TRIM67: variants seen among roughly 807,000 people sequenced by gnomAD.
TRIM67 encodes tripartite motif-containing protein 67.
Under a neutral mutation model 71.0 loss-of-function variants are expected in TRIM67, and 39 were observed. The ratio of observed to expected loss-of-function variants is 0.55; its 90% CI spans 0.43 to 0.72. The LOEUF (loss-of-function observed/expected upper bound fraction) is 0.72, where lower values mean the gene tolerates loss of function less well. TRIM67 is among the 30% of genes least tolerant of loss of function. The probability of loss-of-function intolerance (pLI) is 0.00; values close to 1 mark genes in which losing one functional copy is unlikely to be tolerated. For missense variants in TRIM67, 973 were observed against 1,079.2 expected (o/e 0.90, Z 1.38); for synonymous variants, 481 against 473.9 (o/e 1.01, Z -0.19).
chr1:231,198,393 T>C (rs536134370), intron 2 of TRIM67, among the ~76,000 whole-genome samples: 8 of 151,592 alleles, frequency 5.3e-5, no homozygotes, highest in African/African-American at 1.9e-4. Context: ...GGGACTGAAT[T>C]CTTTTTTTTT....
rs577384628 is a variant in TRIM67 at position 231,179,514 on chromosome 1, T to C, written c.1044+15501T>C. On this transcript the variant is annotated intron_variant, in intron 1 of 9. Coordinates refer to ENST00000366653, the MANE Select transcript of TRIM67 (RefSeq NM_001004342.5). ...ACGAAAACATTAATTAGTTGGTTAA[T>C]GTCACAGTGGTCGTTAACCCATTTA... Among the ~76,000 whole-genome samples the C allele has an allele frequency of 5.9e-5, 9 of 152,348 alleles. No homozygotes were observed. The South Asian group carries it at 1.7e-3, about 28-fold the overall frequency.
Position 231,219,834 on chromosome 1 carries a change from G to T in TRIM67, c.*4394G>T. 1 of 1,286,262 alleles carries T rather than the reference G, an allele frequency of 7.8e-7. No homozygotes were observed. The highest frequency in any genetic ancestry group is 1.0e-6 in the Non-Finnish European group (1 of 986,726). The allele number at this position is 1,286,262 out of a possible 1,614,324, so 79.7% of individuals were successfully genotyped here. ...CATTCTTTGGCAGTTCCTCCCAGAA[G>T]ATCAAAGGATCCTGCAGCTTTAACC... On this transcript the variant is annotated 3_prime_UTR_variant, in exon 10 of 10. Transcript: ENST00000366653.
At chr1:231,211,050 A>ATTTTT (rs10626734) in intron 8 of TRIM67, among the ~76,000 whole-genome samples, 3 of 135,612 alleles carry the variant, frequency 2.2e-5, no homozygotes, top group Admixed American at 7.2e-5. Flanking sequence ...ATATATATAT[A>ATTTTT]TTTTGTTTGT....
intron 1 of TRIM67, among the ~76,000 whole-genome samples, chr1:231,177,742 T>A (rs1245265253): frequency 6.6e-6 from 1 of 152,234 alleles, no homozygotes; most frequent in Non-Finnish European, 1.5e-5. Context: ...GATCTCTTTC[T>A]TTTTAAGACC....
At chr1:231,165,207 G>C (rs955314323) in intron 1 of TRIM67, among the ~76,000 whole-genome samples, 9 of 152,268 alleles carry the variant, frequency 5.9e-5, no homozygotes, top group Non-Finnish European at 8.8e-5. Flanking sequence ...CAGTGCACAG[G>C]AAAACTCCCC....
chr1:231,187,173 A>C (rs190678079), intron 1 of TRIM67, among the ~76,000 whole-genome samples: 1 of 152,174 alleles, frequency 6.6e-6, no homozygotes, highest in Non-Finnish European at 1.5e-5. Flanking sequence ...AAGATGAAGG[A>C]AAATAGCCAC....
intron 6 of TRIM67, among the ~76,000 whole-genome samples, chr1:231,205,136 C>T (rs1043402324): frequency 2.4e-4 from 36 of 152,162 alleles, no homozygotes; most frequent in Admixed American, 2.4e-3. Context: ...AAAGAAGCAG[C>T]CACAGAGCTT....
Position 231,200,270 on chromosome 1 carries a change from C to G in TRIM67, c.1374+12C>G, listed in dbSNP as rs765437008. ...CCGGGTTCTTACAGGTGAGCCTGTC[C>G]CTGGAAGACACAAAGTGGGCTTCCT... On this transcript the variant is annotated intron_variant, in intron 4 of 9. Coordinates refer to ENST00000366653, the MANE Select transcript of TRIM67 (RefSeq NM_001004342.5). 1 of 1,569,876 alleles carries G rather than the reference C, an allele frequency of 6.4e-7. No individual in the cohort carries two copies.
At chr1:231,164,568 G>T (rs1682399305) in intron 1 of TRIM67, among the ~76,000 whole-genome samples, 1 of 152,134 alleles carries the variant, frequency 6.6e-6, no homozygotes, top group Non-Finnish European at 1.5e-5. Flanking sequence ...TGAGCAATTG[G>T]ACTCACTTCC....
At chr1:231,166,948 T>A (rs1366057510) in intron 1 of TRIM67, among the ~76,000 whole-genome samples, 1 of 152,118 alleles carries the variant, frequency 6.6e-6, no homozygotes, top group Non-Finnish European at 1.5e-5. Flanking sequence ...AAATCTGTTT[T>A]TCCTGAAGCT....
chr1:231,185,858 G>A (rs769528855), intron 1 of TRIM67, among the ~76,000 whole-genome samples: 6 of 151,884 alleles, frequency 4.0e-5, no homozygotes, highest in Non-Finnish European at 7.3e-5. Context: ...AGTTCATGGA[G>A]TCTGGGGGGA....
rs1454540204 is a variant in TRIM67 at position 231,219,139 on chromosome 1, T to A, written c.*3699T>A. The A allele has an allele frequency of 3.0e-6, 3 of 985,332 alleles. No homozygotes were observed. Among genetic ancestry groups the A allele is most frequent in the African/African-American group, 1.7e-5 (1 of 57,218 alleles). The allele number at this position is 985,332 out of a possible 1,614,324, so 61.0% of individuals were successfully genotyped here. A position where few individuals can be genotyped will look rare whatever the true frequency, so the allele number is the denominator to read the frequency against. ...TCCTTAGGGGGAGTCAACATGTGAA[T>A]GCTAAAGAACACTGCTGCACAGCCC... is the stretch of plus-strand genomic sequence containing the variant. On this transcript the variant is annotated 3_prime_UTR_variant, in exon 10 of 10. Coordinates refer to ENST00000366653, the MANE Select transcript of TRIM67 (RefSeq NM_001004342.5).
intron 1 of TRIM67, among the ~76,000 whole-genome samples, chr1:231,171,310 T>A (rs1682612079): frequency 6.6e-6 from 1 of 152,192 alleles, no homozygotes; most frequent in Non-Finnish European, 1.5e-5. Context: ...TCTGCAAATC[T>A]GTATGAGTCT....
At chr1:231,207,690 C>T (rs1395007853) in intron 7 of TRIM67, among the ~76,000 whole-genome samples, 1 of 152,146 alleles carries the variant, frequency 6.6e-6, no homozygotes, top group East Asian at 1.9e-4. Flanking sequence ...AAAGGCCCAG[C>T]CAGGGACACT....
At chr1:231,168,168 T>C (rs1682529237) in intron 1 of TRIM67, among the ~76,000 whole-genome samples, 1 of 152,154 alleles carries the variant, frequency 6.6e-6, no homozygotes, top group Non-Finnish European at 1.5e-5. Context: ...TCTTGCTCTG[T>C]TGGCCAGGCT....
rs1280959666 is a variant in TRIM67 at position 231,203,892 on chromosome 1, G to A, written c.1560G>A (p.Leu520=). 2 of 1,613,726 alleles carry A rather than the reference G, an allele frequency of 1.2e-6. No individual in the cohort carries two copies. The highest frequency in any genetic ancestry group is 1.7e-6 in the Non-Finnish European group (2 of 1,179,876). Residue 520 remains leucine, a synonymous_variant, in exon 6 of 10, where the codon CTG becomes CTA. Coordinates refer to ENST00000366653, the MANE Select transcript of TRIM67 (RefSeq NM_001004342.5). ...TGCCACCCGTCCCCCTACTGCAGCTGGAGAAATGCTGCACCCGTAACAACA... is the reference window on the plus strand; with the variant it reads ...TGCCACCCGTCCCCCTACTGCAGCTAGAGAAATGCTGCACCCGTAACAACA... ...CRVPPVPLLQ[L]EKCCTRNNSV...
At chr1:231,194,268 C>T (rs1325361936) in intron 1 of TRIM67, among the ~76,000 whole-genome samples, 5 of 152,220 alleles carry the variant, frequency 3.3e-5, no homozygotes, top group East Asian at 1.9e-4. Context: ...AACTTGAAAA[C>T]TCCTGTCATT....
rs1682362438 is a variant in TRIM67, at chr1:231,163,680, G to A, written c.711G>A (p.Lys237=). The part of the protein sequence containing the change: ...DVLYCSACQL[K]CHPSRGPFAK... ...TCTACTGCTCTGCCTGCCAGCTCAA[G>A]TGCCATCCATCCCGGGGACCCTTCG... The change falls in exon 1 of 10, where the codon AAG becomes AAA. Residue 237 remains lysine, a synonymous_variant. Transcript: ENST00000366653. 1.3e-6 allele frequency: 2 copies of A among 1,514,118 alleles called. No homozygotes were observed. Among genetic ancestry groups the A allele is most frequent in the African/African-American group, 1.4e-5 (1 of 69,082 alleles). 93.8% of individuals were successfully genotyped at this position (1,514,118 alleles called of 1,614,324 possible).
At position 231,163,961 on chromosome 1, in the gene TRIM67, G is replaced by C. The variant is rs370087781; in HGVS notation, c.992G>C (p.Arg331Pro). 6.3e-7 allele frequency: 1 copy of C among 1,582,694 alleles called. No homozygotes were observed. Among genetic ancestry groups the C allele is most frequent in the Non-Finnish European group, 8.6e-7 (1 of 1,164,658 alleles). ...PVCYLCLEEG[R>P]HAKHEVKPLG... is the part of the protein sequence containing the mutation. Reference sequence around the variant, plus strand: ...TGTTATCTGTGCCTGGAGGAGGGCCGGCACGCCAAGCACGAGGTGAAGCCG... The same window carrying C: ...TGTTATCTGTGCCTGGAGGAGGGCCCGCACGCCAAGCACGAGGTGAAGCCG... The change falls in exon 1 of 10, where the codon CGG becomes CCG. Residue 331 changes from arginine (R) to proline (P), a missense_variant. Around this residue, in one of 2 missense-constraint regions of TRIM67, gnomAD observed 795 missense variants for 831.3 expected, o/e 0.96. Transcript: ENST00000366653.
Sources: gnomAD v4.1 joint callset for allele counts (sites outside exome capture counted in the v4.1 genomes callset) on GRCh38, gnomAD v4.1.1 for gene constraint, gnomAD v4.1.1 regional missense constraint, MANE v1.5 for transcripts, NCBI Gene and HGNC (gene_info 2026-07-23, HGNC 2026-07-21) for gene names.